The following EXOSC8 variants were observed in gnomAD, a reference collection of about 807,000 sequenced individuals.
EXOSC8 encodes the protein exosome component 8.
Under a neutral mutation model 39.9 loss-of-function variants are expected in EXOSC8, and 37 were observed. The observed-to-expected ratio is 0.93, with a 90% CI of 0.71 to 1.22. EXOSC8 has a LOEUF of 1.22. EXOSC8 is among the 50% of genes most tolerant of loss of function. The probability of loss-of-function intolerance (pLI) is 0.00; values close to 1 mark genes in which losing one functional copy is unlikely to be tolerated. For synonymous variants in EXOSC8, 93 were observed against 109.5 expected (o/e 0.85, Z 0.94); for missense variants, 313 against 326.6 (o/e 0.96, Z 0.32).
At chr13:37,006,929 C>G (rs769654326) in intron 7 of EXOSC8, 46 bp from the exon 8 acceptor site, 5 of 1,148,912 alleles carry the variant, frequency 4.4e-6, no homozygotes, top group Non-Finnish European at 6.6e-6. Flanking sequence ...GCATGTTCTA[C>G]CCATTAGAAG....
At chr13:37,002,803 T>C (rs2059115213) in intron 3 of EXOSC8, 131 bp from the exon 4 acceptor site, 1 of 701,774 alleles carries the variant, frequency 1.4e-6, no homozygotes, top group Non-Finnish European at 2.5e-6. Flanking sequence ...ACTTGAAATA[T>C]TCATAAGCAA....
chr13:37,008,218 G>T, intron 9 of EXOSC8, 41 bp downstream of exon 9: 1 of 1,504,040 alleles, frequency 6.6e-7, no homozygotes, highest in Non-Finnish European at 9.1e-7. Context: ...CTATATTTAA[G>T]ATTAGGGTAA....
chr13:37,005,805 A>C, intron 5 of EXOSC8, 115 bp from the exon 6 acceptor site: 2 of 570,372 alleles, frequency 3.5e-6, no homozygotes, highest in Non-Finnish European at 6.0e-6. Context: ...TAGAGGTTGC[A>C]GTAAGCTGAG....
At chr13:37,003,060 A>G in intron 4 of EXOSC8, 53 bp downstream of exon 4, 1 of 1,095,586 alleles carries the variant, frequency 9.1e-7, no homozygotes, top group South Asian at 1.3e-5. Context: ...AGCTTTATTT[A>G]TTAGATTGTA....
rs188628393 is a variant in EXOSC8, at chr13:37,005,398, G to A, written c.239-522G>A. On this transcript the variant is annotated intron_variant, in intron 5 of 10. Transcript: ENST00000389704. ...AGGTCTAAAATAGATTTTTTAAAAA[G>A]GCATATGGGGGAAAAATGTCAGAAA... is the stretch of plus-strand genomic sequence containing the variant. 3.1e-3 allele frequency among the ~76,000 whole-genome samples: 466 copies of A among 152,156 alleles called. 1 individual carries two copies. The highest frequency in any genetic ancestry group is 5.9e-3 in the Non-Finnish European group (404 of 68,000).
chr13:37,004,678 T>A (rs2059126921), intron 5 of EXOSC8, 117 bp downstream of exon 5: 1 of 646,852 alleles, frequency 1.5e-6, no homozygotes, highest in Non-Finnish European at 2.6e-6. Flanking sequence ...CGGAAATATT[T>A]ATGAATAAAA....
In EXOSC8 at chr13:37,002,539, A is replaced by G; in HGVS notation, c.106A>G (p.Thr36Ala). The G allele has an allele frequency of 1.9e-6, 3 of 1,591,072 alleles. No homozygotes were observed. The highest frequency in any genetic ancestry group is 1.7e-4 in the Middle Eastern group (1 of 5,970). ...AGAACTTGGTGAATTCAGAACCACA[A>G]CTGTCAACATCGGTAAGGATGTATT... ...GRELGEFRTTTVNIGSISTAD... is the reference protein window; with the variant it reads ...GRELGEFRTTAVNIGSISTAD... Residue 36 changes from threonine to alanine, a missense_variant, in exon 3 of 11, where the codon ACT (threonine) becomes GCT (alanine). Physicochemically the swap from Thr to Ala is moderately conservative, Grantham distance 58 (BLOSUM62 0). Transcript: ENST00000389704.
At chr13:37,006,514 A>C (rs1271151296) in intron 7 of EXOSC8, among the ~76,000 whole-genome samples, 1 of 152,198 alleles carries the variant, frequency 6.6e-6, no homozygotes, top group Non-Finnish European at 1.5e-5. Context: ...GTAGATTCCA[A>C]AGTCTATTTG....
chr13:37,008,622 G>A, intron 9 of EXOSC8, 107 bp from the exon 10 acceptor site: 1 of 701,662 alleles, frequency 1.4e-6, no homozygotes, highest in South Asian at 1.7e-5. Context: ...GGGTGTGATG[G>A]CGTGTGCCTG....
At chr13:37,007,827 G>A (rs1225083975) in intron 8 of EXOSC8, among the ~76,000 whole-genome samples, 4 of 151,870 alleles carry the variant, frequency 2.6e-5, no homozygotes, top group Non-Finnish European at 5.9e-5. Flanking sequence ...AAAAATCATT[G>A]ACTTCTTAAA....
chr13:37,001,185 G>T (rs1252677195), intron 1 of EXOSC8, among the ~76,000 whole-genome samples: 1 of 152,188 alleles, frequency 6.6e-6, no homozygotes, highest in East Asian at 1.9e-4. Flanking sequence ...GAGGCGGGCG[G>T]ATCACCTGAC....
chr13:37,006,939 G>T (rs749292488), intron 7 of EXOSC8, 36 bp from the exon 8 acceptor site: 2 of 1,294,720 alleles, frequency 1.5e-6, no homozygotes, highest in South Asian at 1.2e-5. Flanking sequence ...CCCATTAGAA[G>T]ACTTTAATTT....
chr13:37,007,081 C>CAATAT lies in EXOSC8; in HGVS notation c.487+10_487+11insAATAT. The CAATAT allele has an allele frequency of 1.3e-6, 2 of 1,584,094 alleles. No homozygotes were observed. The highest frequency in any genetic ancestry group is 1.7e-6 in the Non-Finnish European group (2 of 1,152,702). ...GCGGCTTTAAAAAATGGTAAGCAGC[C>CAATAT]TTACAAAAAAGGCAATATTCCCACT... is the stretch of plus-strand genomic sequence containing the variant. On this transcript the variant is annotated intron_variant, in intron 8 of 10. Transcript: ENST00000389704.
At chr13:37,005,732 C>T (rs566631739) in intron 5 of EXOSC8, among the ~76,000 whole-genome samples, 188 bp from the exon 6 acceptor site, 30 of 151,768 alleles carry the variant, frequency 2.0e-4, no homozygotes, top group Non-Finnish European at 1.0e-4. Context: ...GGCGTGGTGG[C>T]GTGTGCCTGT....
At position 37,002,561 on chromosome 13, in the gene EXOSC8, T is replaced by TTG; in HGVS notation, c.118+10_118+11insTG. The TTG allele has an allele frequency of 6.4e-7, 1 of 1,564,456 alleles. No homozygotes were observed. The highest frequency in any genetic ancestry group is 8.7e-7 in the Non-Finnish European group (1 of 1,148,126). On this transcript the variant is annotated intron_variant, in intron 3 of 10. Transcript: ENST00000389704. Reference sequence around the variant, plus strand: ...ACAACTGTCAACATCGGTAAGGATGTATTTTCCACTTTCAACTGTATGATA... The same window carrying TTG: ...ACAACTGTCAACATCGGTAAGGATGTTGATTTTCCACTTTCAACTGTATGATA...
chr13:37,004,465 A>G, intron 4 of EXOSC8, 51 bp from the exon 5 acceptor site: 10 of 1,356,722 alleles, frequency 7.4e-6, no homozygotes, highest in Non-Finnish European at 1.0e-5. Context: ...AATTGTCTTC[A>G]TAATTTTTCA....
intron 1 of EXOSC8, 40 bp from the exon 2 acceptor site, chr13:37,002,233 C>G (rs748013483): frequency 5.4e-6 from 8 of 1,487,808 alleles, no homozygotes; most frequent in Non-Finnish European, 7.5e-6. Flanking sequence ...TGTTAAGATT[C>G]ATCAGTTTAT....
Position 37,009,268 on chromosome 13 carries a change from A to G in EXOSC8, c.800A>G (p.Asp267Gly). The G allele has an allele frequency of 6.2e-7, 1 of 1,610,040 alleles. No individual in the cohort carries two copies. The highest frequency in any genetic ancestry group is 8.5e-7 in the Non-Finnish European group (1 of 1,176,600). The change falls in exon 11 of 11, where the codon GAT becomes GGT. Residue 267 changes from aspartate to glycine, a missense_variant. Asp to Gly is a moderately conservative substitution (Grantham distance 94, BLOSUM62 -1). Transcript: ENST00000389704. ...CACAAAGAAGTTAAAAAACTGATGGATGAAGTAATTAAGAGTATGAAACCC... is the reference window on the plus strand; with the variant it reads ...CACAAAGAAGTTAAAAAACTGATGGGTGAAGTAATTAAGAGTATGAAACCC... Reference protein sequence around the residue: ...TRHKEVKKLMDEVIKSMKPK With the variant: ...TRHKEVKKLMGEVIKSMKPK
chr13:37,004,159 A>G (rs1031380578), intron 4 of EXOSC8: 2 of 171,754 alleles, frequency 1.2e-5, no homozygotes, highest in Non-Finnish European at 2.5e-5. Flanking sequence ...GGTGTGAGCC[A>G]CCGCGCCCAG....
Sources: allele counts gnomAD v4.1 joint callset (sites outside exome capture counted in the v4.1 genomes callset), GRCh38; gene constraint gnomAD v4.1.1; transcripts MANE v1.5; gene names NCBI Gene and HGNC (gene_info 2026-07-23, HGNC 2026-07-21).